SLC45A4: variants seen among roughly 807,000 people sequenced by gnomAD.
SLC45A4 encodes the protein polyamine-transporter SLC45A4.
Under a neutral mutation model 63.7 loss-of-function variants are expected in SLC45A4, and 32 were observed. The observed-to-expected ratio is 0.50, with a 90% confidence interval of 0.38 to 0.67. The LOEUF is 0.67. Ranked by LOEUF, SLC45A4 falls within the 30% of genes least tolerant of loss-of-function variation. SLC45A4 has a pLI of 0.00. For missense variants in SLC45A4, 1,027 were observed against 1,157.7 expected (o/e 0.89, Z 1.64); for synonymous variants, 535 against 510.0 (o/e 1.05, Z -0.66).
chr8:141,241,529 T>C (rs542780174), intron 2 of SLC45A4, among the ~76,000 whole-genome samples: 1 of 152,290 alleles, frequency 6.6e-6, no homozygotes, highest in East Asian at 1.9e-4. Context: ...AGAATTCATA[T>C]TTTAAAAACA....
chr8:141,278,638 C>A lies in SLC45A4; in HGVS notation c.-400-24009G>T, dbSNP rs964970773. Among the ~76,000 whole-genome samples, 1 of 152,258 alleles carries A rather than the reference C, an allele frequency of 6.6e-6. No homozygotes were observed. The highest frequency in any genetic ancestry group is 6.5e-5 in the Admixed American group (1 of 15,292). ...ACCAGCAGCTGAGTGCTGACCACAG[C>A]CCCCACGGGCAGCACAGGCAAGCAA... is the stretch of plus-strand genomic sequence containing the variant. On this transcript the variant is annotated intron_variant, in intron 1 of 8. Coordinates refer to ENST00000517878, the MANE Select transcript of SLC45A4 (RefSeq NM_001286646.2). This position sits in a 1 kb window ranked among gnomAD's most constrained non-coding sequence, Gnocchi z 4.1.
chr8:141,260,430 T>C (rs1229262586), intron 1 of SLC45A4, among the ~76,000 whole-genome samples: 3 of 152,186 alleles, frequency 2.0e-5, no homozygotes, highest in South Asian at 2.1e-4. Flanking sequence ...TCCTCAAAGA[T>C]ATGCACCCAT....
intron 2 of SLC45A4, among the ~76,000 whole-genome samples, chr8:141,242,813 C>T (rs1242624637): frequency 6.6e-6 from 1 of 152,112 alleles, no homozygotes; most frequent in African/African-American, 2.4e-5. Flanking sequence ...AGCCCATCTA[C>T]CACCATCCTG....
chr8:141,271,786 G>A (rs1829532455), intron 1 of SLC45A4, among the ~76,000 whole-genome samples: 1 of 152,134 alleles, frequency 6.6e-6, no homozygotes, highest in African/African-American at 2.4e-5. Context: ...CAGGCACTGA[G>A]TGTATATACA....
chr8:141,252,317 ACCAC>A (rs1038836439), intron 2 of SLC45A4: 9 of 154,930 alleles, frequency 5.8e-5, no homozygotes, highest in African/African-American at 1.9e-4. Context: ...TGGAAGAGAC[ACCAC>A]ATCTTGCCCA....
At chr8:141,222,885 G>A (rs1826737717) in intron 2 of SLC45A4, among the ~76,000 whole-genome samples, 1 of 152,224 alleles carries the variant, frequency 6.6e-6, no homozygotes, top group Non-Finnish European at 1.5e-5. Flanking sequence ...ATCTGGATGG[G>A]AGTCCCACGC....
At chr8:141,277,732 C>T (rs1188288309) in intron 1 of SLC45A4, among the ~76,000 whole-genome samples, 3 of 152,046 alleles carry the variant, frequency 2.0e-5, no homozygotes, top group East Asian at 3.9e-4. Context: ...CTCCGCCTCC[C>T]GGGTTCACGC....
At chr8:141,212,737 C>T (rs543563635) in intron 7 of SLC45A4, among the ~76,000 whole-genome samples, 181 bp from the exon 8 acceptor site, 8 of 152,298 alleles carry the variant, frequency 5.3e-5, no homozygotes, top group East Asian at 1.9e-4. Context: ...ACTGTACAGG[C>T]GGAAGAGGTG....
In SLC45A4 at chr8:141,212,202, A is replaced by T. The variant is rs758320669; in HGVS notation, c.2296T>A (p.Ser766Thr). 7.8e-7 allele frequency: 1 copy of T among 1,286,070 alleles called. No homozygotes were observed. Among genetic ancestry groups the T allele is most frequent in the East Asian group, 4.5e-5 (1 of 22,348 alleles). The allele number at this position is 1,286,070 out of a possible 1,614,324, so 79.7% of individuals were successfully genotyped here. The change falls in exon 8 of 9, where the codon TCC becomes ACC. Residue 766 changes from serine to threonine, a missense_variant. By Grantham distance (58) the Ser-to-Thr change is moderately conservative. Transcript: ENST00000517878. ...EGLQGPVETESVTPAGIDVCQ... is the reference protein window; with the variant it reads ...EGLQGPVETETVTPAGIDVCQ... ...AACGGGAGTGCGGCTCAGACCACGG[A>T]CTCTGTCTCCACCGGTCCCTGCAGG...
intron 1 of SLC45A4, among the ~76,000 whole-genome samples, chr8:141,298,673 C>T (rs1385153114): frequency 1.3e-5 from 2 of 152,194 alleles, no homozygotes. Context: ...CTGGGCACAG[C>T]TGCCCATACC....
intron 1 of SLC45A4, among the ~76,000 whole-genome samples, chr8:141,261,970 T>C (rs1478835523): frequency 3.3e-5 from 5 of 152,228 alleles, no homozygotes; most frequent in African/African-American, 2.4e-5. Flanking sequence ...CAAACTATAC[T>C]ACAAGGCTAC....
At chr8:141,261,792 C>T (rs1388360384) in intron 1 of SLC45A4, among the ~76,000 whole-genome samples, 1 of 152,136 alleles carries the variant, frequency 6.6e-6, no homozygotes, top group Non-Finnish European at 1.5e-5. Flanking sequence ...AAAATGGCCA[C>T]ACTGCCCAAG....
At chr8:141,270,403 G>A (rs1356868461) in intron 1 of SLC45A4, among the ~76,000 whole-genome samples, 1 of 150,230 alleles carries the variant, frequency 6.7e-6, no homozygotes, top group African/African-American at 2.5e-5. Flanking sequence ...GCTCGGCGCG[G>A]TAGCTAACGC....
rs1826396633 is a variant in SLC45A4 at position 141,218,929 on chromosome 8, AAAG to A, written c.708_710del (p.Phe237del). The stretch of plus-strand genomic sequence containing the variant: ...CGGACACCGTGAAGATGATGGCGGC[AAAG>A]AAGAAGAGCACCTGGTTCTGGGTCC... On this transcript the variant is annotated inframe_deletion, in exon 5 of 9. Transcript: ENST00000517878. 3.1e-6 allele frequency: 5 copies of A among 1,613,636 alleles called. No individual in the cohort carries two copies. Among genetic ancestry groups the A allele is most frequent in the Admixed American group, 1.7e-5 (1 of 60,008 alleles).
intron 1 of SLC45A4, among the ~76,000 whole-genome samples, chr8:141,257,806 A>G (rs1563652280): frequency 6.6e-6 from 1 of 152,220 alleles, no homozygotes; most frequent in African/African-American, 2.4e-5. Flanking sequence ...CACAGTGCAC[A>G]GAACAGCCTC....
Position 141,217,176 on chromosome 8 carries a change from GAGTTC to G in SLC45A4, c.1638_1642del (p.Asn547AspfsTer96). 1 of 1,613,732 alleles carries G rather than the reference GAGTTC, an allele frequency of 6.2e-7. No homozygotes were observed. ...GGCGTTGTAGGCTTGCCAGGCGGTC[GAGTTC>G]GAGGGGGCCTGTTCCGGAAATGAGA... On this transcript the variant is annotated frameshift_variant, in exon 6 of 9. Coordinates refer to ENST00000517878, the MANE Select transcript of SLC45A4 (RefSeq NM_001286646.2). LOFTEE classifies it high-confidence loss of function.
At chr8:141,306,800 C>G (rs1486125069) in intron 1 of SLC45A4, among the ~76,000 whole-genome samples, 2 of 152,206 alleles carry the variant, frequency 1.3e-5, no homozygotes, top group Non-Finnish European at 2.9e-5. Flanking sequence ...TGGCTTTTCC[C>G]CAGCAGAAAT....
rs573353916 is a variant in SLC45A4, at chr8:141,249,042, T to C, written c.241+4947A>G. Among the ~76,000 whole-genome samples the C allele has an allele frequency of 8.9e-5, 13 of 145,816 alleles. No individual in the cohort carries two copies. The East Asian group carries it at 2.2e-3, about 24-fold the overall frequency. On this transcript the variant is annotated intron_variant, in intron 2 of 8. Coordinates refer to ENST00000517878, the MANE Select transcript of SLC45A4 (RefSeq NM_001286646.2). ...TAAAAAAAAAAAAAAAAAAAAGACA[T>C]GCAAATTAAAGCTGCAATGAGATAT...
intron 2 of SLC45A4, among the ~76,000 whole-genome samples, chr8:141,223,227 A>G (rs1826766433): frequency 6.6e-6 from 1 of 152,140 alleles, no homozygotes; most frequent in African/African-American, 2.4e-5. Flanking sequence ...CAACTTCAGG[A>G]AGGGTACATT....
Sources: allele counts gnomAD v4.1 joint callset (sites outside exome capture counted in the v4.1 genomes callset), GRCh38; gene constraint gnomAD v4.1.1; non-coding constraint Gnocchi (gnomAD v3.1); transcripts MANE v1.5; gene names NCBI Gene and HGNC (gene_info 2026-07-23, HGNC 2026-07-21).